SYN3: variants seen among roughly 807,000 people sequenced by gnomAD.
SYN3 encodes the protein synapsin III, also known as synapsin-3.
Under a neutral mutation model 65.8 loss-of-function variants are expected in SYN3, and 35 were observed. The observed-to-expected ratio is 0.53, with a 90% CI of 0.41 to 0.70. SYN3 has a LOEUF of 0.70. Among genes scored for constraint, SYN3 ranks in the 30% least tolerant of loss-of-function variants. The pLI, the probability that SYN3 is intolerant of heterozygous loss-of-function variation, is 0.00. For synonymous variants in SYN3, 270 were observed against 292.9 expected (o/e 0.92, Z 0.80); for missense variants, 680 against 749.0 (o/e 0.91, Z 1.08).
chr22:32,579,298 C>A (rs2058900616), intron 7 of SYN3, among the ~76,000 whole-genome samples: 1 of 152,198 alleles, frequency 6.6e-6, no homozygotes, highest in African/African-American at 2.4e-5. Flanking sequence ...AACAAAATAT[C>A]TTAGACTGGA....
intron 7 of SYN3, among the ~76,000 whole-genome samples, chr22:32,591,235 T>TA (rs554437165): frequency 5.5e-4 from 81 of 147,614 alleles, no homozygotes; most frequent in Middle Eastern, 3.5e-3. Flanking sequence ...TGGCTGCATT[T>TA]AAAAAAAAAA....
chr22:32,688,296 C>T (rs1055376469), intron 6 of SYN3, among the ~76,000 whole-genome samples: 12 of 152,268 alleles, frequency 7.9e-5, no homozygotes, highest in African/African-American at 2.2e-4. Context: ...GAGGCCTTAG[C>T]GTGGTGCTCT....
At chr22:32,719,136 G>C (rs2061080415) in intron 6 of SYN3, among the ~76,000 whole-genome samples, 1 of 152,124 alleles carries the variant, frequency 6.6e-6, no homozygotes, top group African/African-American at 2.4e-5. Context: ...CTGGGGAGGA[G>C]GGGATCCTCT....
chr22:32,719,367 C>T (rs1050976278), intron 6 of SYN3, among the ~76,000 whole-genome samples: 28 of 152,182 alleles, frequency 1.8e-4, no homozygotes, highest in African/African-American at 5.8e-4. Context: ...CTTTGATAAA[C>T]GAATACTGGT....
At chr22:32,680,059 A>G (rs2060503348) in intron 6 of SYN3, among the ~76,000 whole-genome samples, 1 of 151,966 alleles carries the variant, frequency 6.6e-6, no homozygotes, top group Non-Finnish European at 1.5e-5. Flanking sequence ...CAGCACCTCA[A>G]TGCCTGACAT....
chr22:32,918,003 G>A (rs928439372), intron 4 of SYN3, among the ~76,000 whole-genome samples: 3 of 152,236 alleles, frequency 2.0e-5, no homozygotes, highest in Non-Finnish European at 2.9e-5. Context: ...ACGACCCTAA[G>A]TGCCTGACCT....
intron 6 of SYN3, among the ~76,000 whole-genome samples, chr22:32,836,510 AG>A (rs2146166469): frequency 6.6e-6 from 1 of 152,342 alleles, no homozygotes; most frequent in South Asian, 2.1e-4. Context: ...TTTAAAATGA[AG>A]GTTTCCTTAA....
intron 6 of SYN3, among the ~76,000 whole-genome samples, chr22:32,709,602 C>G (rs578258778): frequency 2.0e-5 from 3 of 152,120 alleles, no homozygotes; most frequent in Non-Finnish European, 4.4e-5. Flanking sequence ...GTAATAATCT[C>G]AGTACAAAAC....
chr22:32,902,996 C>T (rs546551322), intron 4 of SYN3, among the ~76,000 whole-genome samples: 12 of 152,132 alleles, frequency 7.9e-5, no homozygotes, highest in African/African-American at 2.4e-4. Context: ...ATTTAAACTA[C>T]GGTGGTTTGG....
chr22:32,895,974 G>A (rs867878928), intron 4 of SYN3, among the ~76,000 whole-genome samples: 9 of 152,260 alleles, frequency 5.9e-5, no homozygotes, highest in Middle Eastern at 3.4e-3. Flanking sequence ...GTTAATCCAC[G>A]TAAGGCCCTT....
chr22:33,055,856 C>A (rs997908857), intron 1 of SYN3, among the ~76,000 whole-genome samples: 2 of 152,174 alleles, frequency 1.3e-5, no homozygotes, highest in Non-Finnish European at 2.9e-5. Context: ...TGAGCTTTCT[C>A]CCCATCACCT....
At chr22:32,911,604 T>C (rs1350067465) in intron 4 of SYN3, among the ~76,000 whole-genome samples, 4 of 152,044 alleles carry the variant, frequency 2.6e-5, no homozygotes, top group Non-Finnish European at 5.9e-5. Context: ...AGCCACACAG[T>C]CACTTTATCT....
At chr22:32,520,762 ACCT>A (rs2057866707) in intron 12 of SYN3, among the ~76,000 whole-genome samples, 2 of 152,024 alleles carry the variant, frequency 1.3e-5, no homozygotes, top group South Asian at 4.2e-4. Flanking sequence ...CACCTGTATA[ACCT>A]CCATGACCTG....
At chr22:32,901,987 C>T (rs958638161) in intron 4 of SYN3, among the ~76,000 whole-genome samples, 2 of 152,198 alleles carry the variant, frequency 1.3e-5, no homozygotes, top group South Asian at 4.1e-4. Context: ...TTGGAAAGGG[C>T]CCATTCCAAG....
chr22:33,057,843 G>C (rs1173187428), intron 1 of SYN3: 1 of 152,378 alleles, frequency 6.6e-6, no homozygotes, highest in Non-Finnish European at 1.5e-5. Flanking sequence ...TGACAAACCT[G>C]ACCTCCCAAA....
At chr22:32,877,304 A>C (rs577857574) in intron 4 of SYN3, among the ~76,000 whole-genome samples, 1 of 152,330 alleles carries the variant, frequency 6.6e-6, no homozygotes, top group Admixed American at 6.5e-5. Context: ...AACTTCACTC[A>C]TTTAAACCTA....
At chr22:32,715,993 A>G (rs1190174976) in intron 6 of SYN3, among the ~76,000 whole-genome samples, 2 of 152,080 alleles carry the variant, frequency 1.3e-5, no homozygotes, top group Non-Finnish European at 2.9e-5. Flanking sequence ...CCTCTGGAGG[A>G]GGTGGCTGTC....
At position 32,771,289 on chromosome 22, in the gene SYN3, C is replaced by T. The variant is rs552346765; in HGVS notation, c.711+93626G>A. ...TTCCATGGTATATAACCAGCCTTGC[C>T]CTCTGAAGTTGTCCACCATGGAGAT... On this transcript the variant is annotated intron_variant, in intron 6 of 13. Transcript: ENST00000358763. 2.0e-5 allele frequency among the ~76,000 whole-genome samples: 3 copies of T among 152,250 alleles called. No individual in the cohort carries two copies. The South Asian group carries it at 6.2e-4, about 32-fold the overall frequency.
intron 7 of SYN3, among the ~76,000 whole-genome samples, chr22:32,596,000 C>G (rs1160264322): frequency 6.6e-6 from 1 of 152,172 alleles, no homozygotes; most frequent in African/African-American, 2.4e-5. Flanking sequence ...TCACTTTAAC[C>G]TGGGAGGTGG....
Sources: allele counts gnomAD v4.1 joint callset (sites outside exome capture counted in the v4.1 genomes callset), GRCh38; gene constraint gnomAD v4.1.1; transcripts MANE v1.5; gene names NCBI Gene and HGNC (gene_info 2026-07-23, HGNC 2026-07-21).